CNTN5: variants seen among roughly 807,000 people sequenced by gnomAD.
The protein encoded by CNTN5 is contactin-5.
CNTN5 carries 77 observed loss-of-function variants against 129.1 expected under a neutral mutation model. The observed-to-expected ratio is 0.60, with a 90% CI of 0.50 to 0.72. CNTN5 has a LOEUF of 0.72. CNTN5 is among the 30% of genes least tolerant of loss of function. The pLI, the probability that CNTN5 is intolerant of heterozygous loss-of-function variation, is 0.00. For missense variants in CNTN5, 1,478 were observed against 1,328.8 expected, an observed-to-expected ratio of 1.11 and a Z score of -1.75; for synonymous variants, 509 against 465.6, an observed-to-expected ratio of 1.09 and a Z score of -1.20.
intron 3 of CNTN5, among the ~76,000 whole-genome samples, chr11:99,651,501 G>A (rs756008200): frequency 6.6e-6 from 1 of 151,886 alleles, no homozygotes; most frequent in Non-Finnish European, 1.5e-5. Context: ...CTCTCTTCAT[G>A]CCCCTAGTAA....
chr11:99,969,108 C>A (rs997576933), intron 8 of CNTN5, among the ~76,000 whole-genome samples: 1 of 150,758 alleles, frequency 6.6e-6, no homozygotes, highest in African/African-American at 2.4e-5. Context: ...ACTTAAAAAA[C>A]AACTTGAATT....
chr11:100,134,406 T>A (rs1048483142), intron 13 of CNTN5, among the ~76,000 whole-genome samples: 2 of 152,142 alleles, frequency 1.3e-5, no homozygotes, highest in Non-Finnish European at 2.9e-5. Context: ...TTTCTAAACC[T>A]CAGTGTCACA....
At chr11:100,215,559 G>T (rs187278000) in intron 15 of CNTN5, among the ~76,000 whole-genome samples, 5 of 152,122 alleles carry the variant, frequency 3.3e-5, no homozygotes, top group Admixed American at 3.3e-4. Flanking sequence ...ATGTTCAGCC[G>T]TAATAAAATA....
intron 1 of CNTN5, among the ~76,000 whole-genome samples, chr11:99,031,356 G>A (rs539571124): frequency 1.3e-5 from 2 of 151,958 alleles, no homozygotes; most frequent in East Asian, 3.9e-4. Flanking sequence ...CTTTATACCC[G>A]TGCAATAAGT....
chr11:99,219,504 G>A (rs1295515268), intron 1 of CNTN5, among the ~76,000 whole-genome samples: 1 of 151,760 alleles, frequency 6.6e-6, no homozygotes, highest in African/African-American at 2.4e-5. Context: ...TAAGTTAGGA[G>A]TATTCTTATT....
At chr11:99,927,354 A>C (rs12808130) in intron 7 of CNTN5, among the ~76,000 whole-genome samples, 1 of 152,130 alleles carries the variant, frequency 6.6e-6, no homozygotes, top group Non-Finnish European at 1.5e-5. Context: ...TTCAAACCCT[A>C]TGTCCTTTTG....
intron 3 of CNTN5, among the ~76,000 whole-genome samples, chr11:99,737,006 G>A (rs1481753166): frequency 6.6e-6 from 1 of 152,088 alleles, no homozygotes; most frequent in Non-Finnish European, 1.5e-5. Flanking sequence ...AGTGAACTTA[G>A]CAAGTCTCAT....
At position 99,307,128 on chromosome 11, in the gene CNTN5, G is replaced by T. The variant is rs574164221; in HGVS notation, c.-209-18218G>T. On this transcript the variant is annotated intron_variant, in intron 1 of 24. Coordinates refer to ENST00000524871, the MANE Select transcript of CNTN5 (RefSeq NM_014361.4). ...TTGTATGGTCTTTCCCTGAGTCTTA[G>T]AATAGTATTTAAATATTTTCCTAGT... is the stretch of plus-strand genomic sequence containing the variant. Among the ~76,000 whole-genome samples, 14 of 152,252 alleles carry T rather than the reference G, an allele frequency of 9.2e-5. No individual in the cohort carries two copies. The South Asian group carries it at 2.9e-3, about 32-fold the overall frequency.
chr11:99,049,528 C>T (rs1403664654), intron 1 of CNTN5: 1 of 151,976 alleles, frequency 6.6e-6, no homozygotes, highest in East Asian at 1.9e-4. Flanking sequence ...AAAAATTCTC[C>T]AGATAAAGAA....
intron 6 of CNTN5, among the ~76,000 whole-genome samples, chr11:99,875,419 T>A (rs1948607687): frequency 6.6e-6 from 1 of 152,140 alleles, no homozygotes; most frequent in Non-Finnish European, 1.5e-5. Context: ...AAATAACAAG[T>A]TATCAATTTT....
At chr11:99,705,333 A>G (rs1005062450) in intron 3 of CNTN5, among the ~76,000 whole-genome samples, 3 of 151,320 alleles carry the variant, frequency 2.0e-5, no homozygotes, top group African/African-American at 7.3e-5. Context: ...GAAATTTCTC[A>G]AATTTTACTC....
intron 15 of CNTN5, among the ~76,000 whole-genome samples, chr11:100,201,616 C>T (rs1948779175): frequency 1.3e-5 from 2 of 151,164 alleles, no homozygotes; most frequent in African/African-American, 4.8e-5. Flanking sequence ...ATATCTCTAC[C>T]TCCCTCCTGT....
chr11:99,762,771 G>T (rs1490950877), intron 3 of CNTN5, among the ~76,000 whole-genome samples: 1 of 152,108 alleles, frequency 6.6e-6, no homozygotes, highest in African/African-American at 2.4e-5. Flanking sequence ...ACCATTCTAG[G>T]AATATGTTCT....
At chr11:99,813,768 CAA>C (rs1946499740) in intron 3 of CNTN5, among the ~76,000 whole-genome samples, 1 of 151,948 alleles carries the variant, frequency 6.6e-6, no homozygotes. Flanking sequence ...TACATAAAGA[CAA>C]TATTCAAAGG....
chr11:99,077,694 A>C (rs1865633060), intron 1 of CNTN5, among the ~76,000 whole-genome samples: 1 of 152,152 alleles, frequency 6.6e-6, no homozygotes, highest in African/African-American at 2.4e-5. Context: ...AGGTGGAAGT[A>C]ATTGACCCAG....
chr11:99,969,903 A>G (rs535406238), intron 8 of CNTN5, among the ~76,000 whole-genome samples: 45 of 152,228 alleles, frequency 3.0e-4, no homozygotes, highest in African/African-American at 1.1e-3. Flanking sequence ...CCTCACCCCC[A>G]TGATATTTTT....
At chr11:99,278,906 G>A (rs1486047819) in intron 1 of CNTN5, among the ~76,000 whole-genome samples, 1 of 151,696 alleles carries the variant, frequency 6.6e-6, no homozygotes, top group Non-Finnish European at 1.5e-5. Context: ...AATGAGTCCT[G>A]TCAATATAGT....
intron 1 of CNTN5, among the ~76,000 whole-genome samples, chr11:99,126,403 T>C (rs2135421078): frequency 6.6e-6 from 1 of 152,324 alleles, no homozygotes; most frequent in African/African-American, 2.4e-5. Flanking sequence ...AGTATTTTAT[T>C]AGGAGTGTGA....
chr11:100,028,215 G>A (rs1237967847), intron 9 of CNTN5, among the ~76,000 whole-genome samples: 2 of 152,008 alleles, frequency 1.3e-5, no homozygotes, highest in Non-Finnish European at 2.9e-5. Context: ...AAATCTGCTG[G>A]ATAAAATTCA....
Sources: allele counts gnomAD v4.1 joint callset (sites outside exome capture counted in the v4.1 genomes callset), GRCh38; gene constraint gnomAD v4.1.1; transcripts MANE v1.5; gene names NCBI Gene and HGNC (gene_info 2026-07-23, HGNC 2026-07-21).